Variants in TMEM132D observed in about 807,000 individuals in gnomAD.
TMEM132D encodes the protein transmembrane protein 132D, also known as mature OL transmembrane protein.
A neutral mutation model predicts 62.3 loss-of-function variants in TMEM132D; 21 were observed. That is an observed-to-expected ratio of 0.34 (90% CI 0.24 to 0.49). The LOEUF is 0.49. Among genes scored for constraint, TMEM132D ranks in the 20% least tolerant of loss-of-function variants. The probability of loss-of-function intolerance (pLI) is 0.99; values close to 1 mark genes in which losing one functional copy is unlikely to be tolerated. For missense variants in TMEM132D, 1,346 were observed against 1,402.8 expected, an observed-to-expected ratio of 0.96 and a Z score of 0.65; for synonymous variants, 621 against 575.6, an observed-to-expected ratio of 1.08 and a Z score of -1.13.
chr12:129,326,432 A>C (rs1593338323), intron 4 of TMEM132D, among the ~76,000 whole-genome samples: 1 of 152,192 alleles, frequency 6.6e-6, no homozygotes, highest in African/African-American at 2.4e-5. Flanking sequence ...CTAATGCTTT[A>C]TGCATTCATA....
intron 5 of TMEM132D, among the ~76,000 whole-genome samples, chr12:129,205,193 A>G (rs1878809248): frequency 6.6e-6 from 1 of 152,208 alleles, no homozygotes; most frequent in South Asian, 2.1e-4. Flanking sequence ...AATGGGCTAA[A>G]TGCCTCAATT....
At chr12:129,484,642 C>T (rs1874529002) in intron 3 of TMEM132D, among the ~76,000 whole-genome samples, 2 of 152,130 alleles carry the variant, frequency 1.3e-5, no homozygotes, top group Admixed American at 6.5e-5. Flanking sequence ...TGTGGAGAAA[C>T]AATGGAATCT....
chr12:129,317,154 G>A lies in TMEM132D; in HGVS notation c.1299+20480C>T, dbSNP rs138260088. Among the ~76,000 whole-genome samples the A allele has an allele frequency of 9.9e-5, 15 of 152,266 alleles. No individual in the cohort carries two copies. The East Asian group carries it at 1.5e-3, about 16-fold the overall frequency. On this transcript the variant is annotated intron_variant, in intron 4 of 8. Coordinates refer to ENST00000422113, the MANE Select transcript of TMEM132D (RefSeq NM_133448.3). ...TAGCATTGAAATGTGAGGTACCCTCGCATTCATCATGCTCTTTGTTGCCTG... is the reference window on the plus strand; with the variant it reads ...TAGCATTGAAATGTGAGGTACCCTCACATTCATCATGCTCTTTGTTGCCTG...
intron 2 of TMEM132D, among the ~76,000 whole-genome samples, chr12:129,602,154 C>T (rs1236586997): frequency 2.6e-5 from 4 of 152,054 alleles, no homozygotes; most frequent in Non-Finnish European, 5.9e-5. Context: ...CTACAAGGGC[C>T]AACTCTATCA....
intron 3 of TMEM132D, among the ~76,000 whole-genome samples, chr12:129,397,745 T>G (rs909615541): frequency 6.6e-6 from 1 of 152,190 alleles, no homozygotes; most frequent in African/African-American, 2.4e-5. Flanking sequence ...TTTCCAAAGT[T>G]TTCCTAGAAT....
intron 3 of TMEM132D, among the ~76,000 whole-genome samples, chr12:129,358,930 G>C (rs1161781474): frequency 6.6e-6 from 1 of 150,664 alleles, no homozygotes; most frequent in Admixed American, 6.6e-5. Context: ...AGATGCTGTT[G>C]AGCTGTGGGT....
At chr12:129,372,179 G>A (rs11060284) in intron 3 of TMEM132D, among the ~76,000 whole-genome samples, 26,008 of 152,182 alleles carry the variant, frequency 0.17, 2,710 homozygotes, top group Non-Finnish European at 0.24. Context: ...GCCTCTACAA[G>A]GAAGTAGCTC....
chr12:129,542,085 C>A (rs1375257992), intron 2 of TMEM132D, among the ~76,000 whole-genome samples: 1 of 152,206 alleles, frequency 6.6e-6, no homozygotes, highest in Admixed American at 6.5e-5. Context: ...CCAAGTCAAT[C>A]ACCTCAGCAG....
At chr12:129,244,107 C>T (rs999093370) in intron 4 of TMEM132D, among the ~76,000 whole-genome samples, 2 of 152,084 alleles carry the variant, frequency 1.3e-5, no homozygotes, top group African/African-American at 4.8e-5. Flanking sequence ...TTATTCCGGC[C>T]GGGTGCGGTG....
At chr12:129,816,031 G>A (rs564037977) in intron 1 of TMEM132D, among the ~76,000 whole-genome samples, 10 of 152,288 alleles carry the variant, frequency 6.6e-5, no homozygotes, top group Non-Finnish European at 1.2e-4. Context: ...TGTGGAACAC[G>A]CTGGTGACCC....
intron 3 of TMEM132D, among the ~76,000 whole-genome samples, chr12:129,360,147 C>G (rs1335665580): frequency 6.6e-6 from 1 of 152,180 alleles, no homozygotes; most frequent in African/African-American, 2.4e-5. Flanking sequence ...AACCCAGGCC[C>G]TGCCTATCTA....
intron 2 of TMEM132D, among the ~76,000 whole-genome samples, chr12:129,534,883 C>T (rs35924553): frequency 4.6e-5 from 7 of 152,216 alleles, no homozygotes; most frequent in African/African-American, 1.7e-4. Context: ...ATTTCTGAAT[C>T]TGGTTCTCAG....
intron 5 of TMEM132D, among the ~76,000 whole-genome samples, chr12:129,207,365 C>T (rs1878884777): frequency 6.6e-6 from 1 of 152,134 alleles, no homozygotes; most frequent in Non-Finnish European, 1.5e-5. Context: ...ATGAATACAA[C>T]AAACAAAAAT....
At chr12:129,145,940 A>C (rs1593276008) in intron 5 of TMEM132D, among the ~76,000 whole-genome samples, 1 of 152,176 alleles carries the variant, frequency 6.6e-6, no homozygotes, top group East Asian at 1.9e-4. Context: ...GCTTCAAGCG[A>C]CTAAAAGCCT....
At chr12:129,556,926 A>G (rs191765492) in intron 2 of TMEM132D, among the ~76,000 whole-genome samples, 1 of 152,202 alleles carries the variant, frequency 6.6e-6, no homozygotes, top group Non-Finnish European at 1.5e-5. Context: ...CACATTTTAA[A>G]GTTGACATTT....
intron 2 of TMEM132D, among the ~76,000 whole-genome samples, chr12:129,652,947 T>C (rs1295786787): frequency 3.3e-5 from 5 of 152,228 alleles, no homozygotes; most frequent in African/African-American, 7.2e-5. Context: ...AGAAGGCAGA[T>C]GACGAATGAG....
intron 4 of TMEM132D, among the ~76,000 whole-genome samples, chr12:129,278,742 G>C (rs1446903015): frequency 6.6e-6 from 1 of 152,204 alleles, no homozygotes; most frequent in African/African-American, 2.4e-5. Flanking sequence ...ACCGCTAAAC[G>C]GGTCCCAAAC....
intron 3 of TMEM132D, among the ~76,000 whole-genome samples, chr12:129,476,684 T>G (rs1194711426): frequency 6.6e-6 from 1 of 152,138 alleles, no homozygotes; most frequent in East Asian, 1.9e-4. Flanking sequence ...CTCGACATTC[T>G]GGGAGAGAGA....
rs540915831 is a variant in TMEM132D at position 129,809,613 on chromosome 12, T to C, written c.79+93648A>G. Among the ~76,000 whole-genome samples the C allele has an allele frequency of 1.1e-4, 17 of 152,338 alleles. No individual in the cohort carries two copies. In the East Asian group the frequency reaches 2.9e-3, roughly 26 times the overall value. On this transcript the variant is annotated intron_variant, in intron 1 of 8. Transcript: ENST00000422113. ...TCAAGTCCTTTGTTTTTGTGAATTTTCTGACCTTACTCTAGCTCATTTGTA... is the reference window on the plus strand; with the variant it reads ...TCAAGTCCTTTGTTTTTGTGAATTTCCTGACCTTACTCTAGCTCATTTGTA...
Sources: allele counts gnomAD v4.1 joint callset (sites outside exome capture counted in the v4.1 genomes callset), GRCh38; gene constraint gnomAD v4.1.1; transcripts MANE v1.5; gene names NCBI Gene and HGNC (gene_info 2026-07-23, HGNC 2026-07-21).